The following PTPRG variants were observed in gnomAD, a reference collection of about 807,000 sequenced individuals.
PTPRG encodes the protein receptor-type tyrosine-protein phosphatase gamma.
In PTPRG, 102 loss-of-function variants were observed where a neutral mutation model predicts 165.3. The observed-to-expected ratio is 0.62, with a 90% CI of 0.53 to 0.73. The LOEUF (loss-of-function observed/expected upper bound fraction) is 0.73. PTPRG is among the 30% of genes least tolerant of loss of function. The pLI is 0.00. For missense variants in PTPRG, 1,866 were observed against 1,861.4 expected (o/e 1.00, Z -0.05); for synonymous variants, 675 against 669.5 (o/e 1.01, Z -0.13).
At chr3:61,572,933 TG>T in intron 1 of PTPRG, among the ~76,000 whole-genome samples, 1 of 152,342 alleles carries the variant, frequency 6.6e-6, no homozygotes, top group East Asian at 1.9e-4. Flanking sequence ...TTGTATTGCC[TG>T]GATTGGTCAT....
intron 1 of PTPRG, among the ~76,000 whole-genome samples, chr3:61,593,357 G>A (rs1348039383): frequency 1.3e-5 from 2 of 149,386 alleles, no homozygotes; most frequent in African/African-American, 5.0e-5. Flanking sequence ...TTAAGACCAG[G>A]AATCAGCATT....
chr3:62,070,281 GTATTTGCA>G, intron 4 of PTPRG, among the ~76,000 whole-genome samples: 1 of 152,194 alleles, frequency 6.6e-6, no homozygotes, highest in Admixed American at 6.5e-5. Flanking sequence ...ATTTTGGCTT[GTATTTGCA>G]CCTTTCTGAG....
chr3:61,988,601 G>A (rs2040817234), intron 2 of PTPRG, among the ~76,000 whole-genome samples: 1 of 152,200 alleles, frequency 6.6e-6, no homozygotes, highest in African/African-American at 2.4e-5. Context: ...GTAGATGAAT[G>A]TATATACACA....
At chr3:62,171,674 A>T (rs912707610) in intron 8 of PTPRG, among the ~76,000 whole-genome samples, 8 of 146,512 alleles carry the variant, frequency 5.5e-5, no homozygotes, top group African/African-American at 1.8e-4. Context: ...TCAGTAGGTC[A>T]TTTTTTTTTT....
At chr3:61,574,577 T>C (rs951514140) in intron 1 of PTPRG, among the ~76,000 whole-genome samples, 2 of 152,204 alleles carry the variant, frequency 1.3e-5, no homozygotes, top group African/African-American at 4.8e-5. Context: ...ATTTTCCCAG[T>C]CAGTCAATTT....
chr3:62,061,476 C>A (rs1181350123), intron 4 of PTPRG, among the ~76,000 whole-genome samples: 1 of 152,046 alleles, frequency 6.6e-6, no homozygotes, highest in Non-Finnish European at 1.5e-5. Context: ...TTTATCCCCT[C>A]CTTTAAACTC....
At chr3:62,286,439 G>C (rs776943613) in intron 28 of PTPRG, among the ~76,000 whole-genome samples, 1 of 151,878 alleles carries the variant, frequency 6.6e-6, no homozygotes, top group Admixed American at 6.6e-5. Context: ...TAAAAACAAC[G>C]TATTAAAAGC....
chr3:61,978,814 A>G (rs780820444), intron 2 of PTPRG, among the ~76,000 whole-genome samples: 1 of 152,212 alleles, frequency 6.6e-6, no homozygotes, highest in Non-Finnish European at 1.5e-5. Flanking sequence ...CCAAGTTCCA[A>G]TAAAACTGTT....
rs115570195 is a variant in PTPRG, at chr3:61,629,647, A to G, written c.85+67275A>G. ...GTCTTTGTGAAGAAAGCTCCTTGCC[A>G]GCTGTGGGCATTGACAGGAAGGCAC... On this transcript the variant is annotated intron_variant, in intron 1 of 29. Coordinates refer to ENST00000474889, the MANE Select transcript of PTPRG (RefSeq NM_002841.4). Among the ~76,000 whole-genome samples the G allele has an allele frequency of 6.9e-3, 1,048 of 152,296 alleles. 8 individuals are homozygous for G. Among genetic ancestry groups the G allele is most frequent in the African/African-American group, 0.024 (997 of 41,560 alleles).
chr3:62,083,240 T>G (rs534581431), intron 5 of PTPRG, among the ~76,000 whole-genome samples: 9 of 151,538 alleles, frequency 5.9e-5, no homozygotes, highest in African/African-American at 2.2e-4. Flanking sequence ...GCAATAGTAA[T>G]CGCGGTTTTT....
intron 2 of PTPRG, among the ~76,000 whole-genome samples, chr3:61,854,814 A>G (rs2037055733): frequency 6.6e-6 from 1 of 152,226 alleles, no homozygotes; most frequent in South Asian, 2.1e-4. Context: ...GTCCTAGAGA[A>G]GGATAATGCT....
At chr3:61,600,446 G>C (rs934589071) in intron 1 of PTPRG, among the ~76,000 whole-genome samples, 3 of 152,070 alleles carry the variant, frequency 2.0e-5, no homozygotes, top group Non-Finnish European at 4.4e-5. Context: ...CACGGGATTT[G>C]TCAGGGGTAA....
chr3:62,262,625 T>G, intron 16 of PTPRG, 173 bp from the exon 17 acceptor site: 1 of 463,988 alleles, frequency 2.2e-6, no homozygotes, highest in Non-Finnish European at 3.8e-6. Flanking sequence ...TATACCTTTT[T>G]CACATTCTTC....
At chr3:61,690,651 C>T (rs1225007051) in intron 1 of PTPRG, among the ~76,000 whole-genome samples, 2 of 152,166 alleles carry the variant, frequency 1.3e-5, no homozygotes, top group Middle Eastern at 3.2e-3. Context: ...ACATCAAGGC[C>T]AGGATTGTGC....
At chr3:61,567,459 C>G (rs1420503214) in intron 1 of PTPRG, among the ~76,000 whole-genome samples, 1 of 152,060 alleles carries the variant, frequency 6.6e-6, no homozygotes, top group Non-Finnish European at 1.5e-5. Flanking sequence ...GTCACTTGAG[C>G]CCAGAAGTTC....
rs961346167 is a variant in PTPRG, at chr3:61,984,292, C to T, written c.191-5333C>T. Among the ~76,000 whole-genome samples, 4 of 152,272 alleles carry T rather than the reference C, an allele frequency of 2.6e-5. No individual in the cohort carries two copies. The East Asian group carries it at 5.8e-4, about 22-fold the overall frequency. On this transcript the variant is annotated intron_variant, in intron 2 of 29. Coordinates refer to ENST00000474889, the MANE Select transcript of PTPRG (RefSeq NM_002841.4). ...TTTTTCTTAATGACAGCTTTAAAAA[C>T]TGAATTTCTCCAACTTTATATAAGG...
chr3:62,086,973 A>G (rs141940178), intron 5 of PTPRG, among the ~76,000 whole-genome samples: 1 of 152,368 alleles, frequency 6.6e-6, no homozygotes, highest in Non-Finnish European at 1.5e-5. Context: ...GAGACTTTGA[A>G]TTCTTTGAAT....
At position 62,231,263 on chromosome 3, in the gene PTPRG, G is replaced by A. The variant is rs1380159044; in HGVS notation, c.2327G>A (p.Arg776His). ...NKIKSKGFPR[R>H]FREVPSSGER... ...ATAAAGTCCAAGGGCTTTCCCAGAC[G>A]TTTCCGTGAAGTGCCTTCTTCTGGG... The change falls in exon 14 of 30, where the codon CGT (arginine) becomes CAT (histidine). Residue 776 changes from arginine (R) to histidine (H), a missense_variant. Physicochemically the swap from Arg to His is conservative, Grantham distance 29. This residue lies in a region of PTPRG where 1,452 missense variants were observed against 1,463.0 expected (regional missense o/e 0.99). Coordinates refer to ENST00000474889, the MANE Select transcript of PTPRG (RefSeq NM_002841.4). 1.6e-5 allele frequency: 26 copies of A among 1,594,358 alleles called. No homozygotes were observed. The highest frequency in any genetic ancestry group is 2.7e-5 in the African/African-American group (2 of 74,144).
intron 2 of PTPRG, among the ~76,000 whole-genome samples, chr3:61,857,591 G>C (rs996622203): frequency 1.3e-5 from 2 of 152,166 alleles, no homozygotes; most frequent in Admixed American, 6.6e-5. Flanking sequence ...TAAAAGGTCA[G>C]CCTGGGGACC....
Sources: gnomAD v4.1 joint callset for allele counts (sites outside exome capture counted in the v4.1 genomes callset) on GRCh38, gnomAD v4.1.1 for gene constraint, gnomAD v4.1.1 regional missense constraint, MANE v1.5 for transcripts, NCBI Gene and HGNC (gene_info 2026-07-23, HGNC 2026-07-21) for gene names.